Variants in POU2F3 observed in about 807,000 individuals in gnomAD.
POU2F3 encodes the protein POU domain, class 2, transcription factor 3.
In POU2F3, 23 loss-of-function variants were observed where a neutral mutation model predicts 59.2. The ratio of observed to expected loss-of-function variants is 0.39; its 90% CI spans 0.28 to 0.55. The LOEUF is 0.55. Among genes scored for constraint, POU2F3 ranks in the 20% least tolerant of loss-of-function variants. The pLI is 0.66. For missense variants in POU2F3, 473 were observed against 544.5 expected, an observed-to-expected ratio of 0.87 and a Z score of 1.31; for synonymous variants, 190 against 214.6, an observed-to-expected ratio of 0.89 and a Z score of 1.00.
intron 12 of POU2F3, 66 bp from the exon 13 acceptor site, chr11:120,318,287 A>C (rs1941839464): frequency 1.4e-6 from 2 of 1,474,950 alleles, no homozygotes; most frequent in African/African-American, 2.8e-5. Flanking sequence ...GCTAGCAGTC[A>C]CTCCCCATTC....
At chr11:120,271,590 C>A (rs183627682) in intron 3 of POU2F3, among the ~76,000 whole-genome samples, 1 of 152,166 alleles carries the variant, frequency 6.6e-6, no homozygotes, top group African/African-American at 2.4e-5. Context: ...GCCAGCCTTG[C>A]GGGGAGGTGG....
chr11:120,268,386 G>A (rs1457608012), intron 2 of POU2F3, among the ~76,000 whole-genome samples: 4 of 152,042 alleles, frequency 2.6e-5, no homozygotes, highest in Non-Finnish European at 5.9e-5. Context: ...TGTTGCCCAG[G>A]CTGGAGTGCA....
At chr11:120,315,567 G>A in intron 11 of POU2F3, 140 bp downstream of exon 11, 1 of 804,266 alleles carries the variant, frequency 1.2e-6, no homozygotes, top group South Asian at 1.8e-5. Flanking sequence ...GGAAAAAAGG[G>A]TTCTGTGATC....
chr11:120,288,006 G>A (rs2135252645), intron 3 of POU2F3, among the ~76,000 whole-genome samples: 1 of 150,756 alleles, frequency 6.6e-6, no homozygotes, highest in Non-Finnish European at 1.5e-5. Flanking sequence ...ATTGCTAGAA[G>A]CAAGCATACC....
chr11:120,242,833 G>A (rs1938721481), intron 1 of POU2F3, among the ~76,000 whole-genome samples: 1 of 152,186 alleles, frequency 6.6e-6, no homozygotes, highest in African/African-American at 2.4e-5. Flanking sequence ...ACCAGACACA[G>A]GGGCTCTGCA....
intron 2 of POU2F3, 33 bp downstream of exon 2, chr11:120,246,550 G>C: frequency 6.2e-7 from 1 of 1,603,568 alleles, no homozygotes; most frequent in Non-Finnish European, 8.5e-7. Flanking sequence ...GATGGAGGGG[G>C]TGGGGGGAAG....
At chr11:120,308,357 G>A (rs1036190932) in intron 9 of POU2F3, among the ~76,000 whole-genome samples, 1 of 152,210 alleles carries the variant, frequency 6.6e-6, no homozygotes, top group African/African-American at 2.4e-5. Context: ...CTCCAGGACT[G>A]CTGCCCCTCC....
At chr11:120,308,376 C>T (rs1465524173) in intron 9 of POU2F3, among the ~76,000 whole-genome samples, 1 of 152,196 alleles carries the variant, frequency 6.6e-6, no homozygotes, top group Admixed American at 6.5e-5. Context: ...CCAGCAGATT[C>T]CTCGCACATT....
chr11:120,300,070 A>G (rs1001928794), intron 5 of POU2F3, among the ~76,000 whole-genome samples: 2 of 152,110 alleles, frequency 1.3e-5, no homozygotes, highest in Non-Finnish European at 2.9e-5. Context: ...GACAAGTCCC[A>G]ATTCCTTGGA....
chr11:120,315,539 A>G (rs1262859659), intron 11 of POU2F3, 112 bp downstream of exon 11: 4 of 1,013,836 alleles, frequency 3.9e-6, no homozygotes, highest in Non-Finnish European at 5.9e-6. Context: ...ATTTCAAAGG[A>G]TATTAAAATC....
chr11:120,277,611 A>T (rs1392354572), intron 3 of POU2F3, among the ~76,000 whole-genome samples: 1 of 151,872 alleles, frequency 6.6e-6, no homozygotes, highest in Non-Finnish European at 1.5e-5. Context: ...CCCCATCTCT[A>T]CTAAAATTGC....
At chr11:120,291,861 T>G (rs1591424850) in intron 3 of POU2F3, among the ~76,000 whole-genome samples, 1 of 151,458 alleles carries the variant, frequency 6.6e-6, no homozygotes. Flanking sequence ...CAGGCTGGAG[T>G]GCAGTGGCGC....
At chr11:120,248,788 C>T (rs180939771) in intron 2 of POU2F3, among the ~76,000 whole-genome samples, 2 of 152,186 alleles carry the variant, frequency 1.3e-5, no homozygotes, top group Non-Finnish European at 2.9e-5. Flanking sequence ...CCTGGAAAGT[C>T]GTTCTGACTC....
At chr11:120,244,274 C>G (rs1030395567) in intron 1 of POU2F3, among the ~76,000 whole-genome samples, 1 of 152,096 alleles carries the variant, frequency 6.6e-6, no homozygotes, top group African/African-American at 2.4e-5. Flanking sequence ...TATAATGGGG[C>G]AAGGGGTTAA....
At chr11:120,312,701 C>T (rs1941683196) in intron 10 of POU2F3, among the ~76,000 whole-genome samples, 1 of 152,164 alleles carries the variant, frequency 6.6e-6, no homozygotes, top group Non-Finnish European at 1.5e-5. Flanking sequence ...GCACACGTGA[C>T]CCCTGCTTAC....
chr11:120,242,256 C>T (rs951939753), intron 1 of POU2F3, among the ~76,000 whole-genome samples: 1 of 152,224 alleles, frequency 6.6e-6, no homozygotes, highest in African/African-American at 2.4e-5. Flanking sequence ...TCCCATCTCT[C>T]TAACTGGGTC....
chr11:120,268,336 G>GTATTTATT (rs199656933), intron 2 of POU2F3, among the ~76,000 whole-genome samples: 1 of 151,744 alleles, frequency 6.6e-6, no homozygotes, highest in Non-Finnish European at 1.5e-5. Flanking sequence ...TTCCTCTTAT[G>GTATTTATT]TATTTATTTA....
intron 5 of POU2F3, chr11:120,301,034 T>A (rs1032196771): frequency 2.2e-6 from 1 of 456,288 alleles, no homozygotes; most frequent in Non-Finnish European, 4.4e-6. Context: ...CAGTTTAATT[T>A]GTTTTCAGAA....
At chr11:120,264,964 T>C (rs896985163) in intron 2 of POU2F3, among the ~76,000 whole-genome samples, 14 of 152,222 alleles carry the variant, frequency 9.2e-5, no homozygotes, top group African/African-American at 1.9e-4. Context: ...GATGAATAAA[T>C]TTAAGCATTG....
Sources: allele counts gnomAD v4.1 joint callset (sites outside exome capture counted in the v4.1 genomes callset), GRCh38; gene constraint gnomAD v4.1.1; transcripts MANE v1.5; gene names NCBI Gene and HGNC (gene_info 2026-07-23, HGNC 2026-07-21).